Variants in RNF121 observed in about 807,000 individuals in gnomAD.
The protein encoded by RNF121 is E3 ubiquitin ligase RNF121.
Under a neutral mutation model 46.5 loss-of-function variants are expected in RNF121, and 21 were observed. The ratio of observed to expected loss-of-function variants is 0.45; its 90% confidence interval spans 0.32 to 0.65. The LOEUF is 0.65. RNF121 is among the 30% of genes least tolerant of loss of function. The pLI, the probability that RNF121 is intolerant of heterozygous loss-of-function variation, is 0.04. For synonymous variants in RNF121, 139 were observed against 144.7 expected (o/e 0.96, Z 0.28); for missense variants, 346 against 416.0 (o/e 0.83, Z 1.46).
At chr11:71,994,085 C>T (rs1450677543) in intron 6 of RNF121, among the ~76,000 whole-genome samples, 1 of 152,058 alleles carries the variant, frequency 6.6e-6, no homozygotes, top group Non-Finnish European at 1.5e-5. Context: ...CGTGATCCGC[C>T]CTCCTTGGCC....
rs1954689327 is a variant in RNF121 at position 71,982,688 on chromosome 11, G to C, written c.244-73G>C. On this transcript the variant is annotated intron_variant, in intron 3 of 8. Coordinates refer to ENST00000361756, the MANE Select transcript of RNF121 (RefSeq NM_018320.5). ...AGGATCAAGCTAAAATAGAAAACAAGCTGCATTTGGGACTGTGGACAGAGC... is the reference window on the plus strand; with the variant it reads ...AGGATCAAGCTAAAATAGAAAACAACCTGCATTTGGGACTGTGGACAGAGC... 6.2e-6 allele frequency: 9 copies of C among 1,456,432 alleles called. No homozygotes were observed. The East Asian group carries it at 2.2e-4, about 36-fold the overall frequency. 90.2% of individuals were successfully genotyped at this position (1,456,432 alleles called of 1,614,324 possible). A position where few individuals can be genotyped will look rare whatever the true frequency, so the allele number is the denominator to read the frequency against.
chr11:71,942,678 C>T (rs572384107), intron 1 of RNF121, among the ~76,000 whole-genome samples: 27 of 151,494 alleles, frequency 1.8e-4, no homozygotes, highest in Non-Finnish European at 3.2e-4. Flanking sequence ...GCAGGAGAAT[C>T]GCTTGAACCT....
chr11:71,935,321 A>G (rs1953380521), intron 1 of RNF121, among the ~76,000 whole-genome samples: 1 of 152,260 alleles, frequency 6.6e-6, no homozygotes, highest in Non-Finnish European at 1.5e-5. Context: ...AAGCTGAGGC[A>G]TAGAGAATTT....
At chr11:71,933,770 C>A (rs1953332479) in intron 1 of RNF121, among the ~76,000 whole-genome samples, 1 of 152,200 alleles carries the variant, frequency 6.6e-6, no homozygotes. Flanking sequence ...CCATTGTATT[C>A]TCTTCACTCT....
intron 1 of RNF121, among the ~76,000 whole-genome samples, chr11:71,947,813 C>T (rs961528971): frequency 5.3e-5 from 8 of 152,156 alleles, no homozygotes; most frequent in South Asian, 4.1e-4. Context: ...TGAATCTGTG[C>T]TGGCAAAGTT....
At chr11:71,941,047 CTG>C (rs1328380017) in intron 1 of RNF121, among the ~76,000 whole-genome samples, 2 of 152,208 alleles carry the variant, frequency 1.3e-5, no homozygotes, top group Non-Finnish European at 2.9e-5. Flanking sequence ...CAGTGAGTGA[CTG>C]TGCTAAAAAG....
chr11:71,962,859 T>A (rs956428303), intron 3 of RNF121, among the ~76,000 whole-genome samples: 4 of 152,210 alleles, frequency 2.6e-5, no homozygotes, highest in African/African-American at 9.7e-5. Context: ...TATCAAGACT[T>A]CTTACTTCTT....
chr11:71,946,230 T>C (rs928141659), intron 1 of RNF121, among the ~76,000 whole-genome samples: 1 of 152,160 alleles, frequency 6.6e-6, no homozygotes, highest in African/African-American at 2.4e-5. Context: ...TATCCTCTGA[T>C]GAAAGGATAA....
chr11:71,956,461 C>T lies in RNF121; in HGVS notation c.64-766C>T, dbSNP rs148915766. ...ACCTTCCTCAACAGGGAATGAACCA[C>T]CCTAAAATATCAGTAGTGCCAAGGT... On this transcript the variant is annotated intron_variant, in intron 1 of 8. Transcript: ENST00000361756. 3.1e-3 allele frequency among the ~76,000 whole-genome samples: 468 copies of T among 152,258 alleles called. 3 individuals carry two copies. Among genetic ancestry groups the T allele is most frequent in the African/African-American group, 0.01 (423 of 41,532 alleles).
At chr11:71,940,473 G>A (rs189586565) in intron 1 of RNF121, among the ~76,000 whole-genome samples, 5 of 152,138 alleles carry the variant, frequency 3.3e-5, no homozygotes, top group African/African-American at 9.7e-5. Flanking sequence ...AGGAATGAAC[G>A]CCCAAGGTCA....
chr11:71,962,915 G>A (rs191065053), intron 3 of RNF121, among the ~76,000 whole-genome samples: 139 of 152,218 alleles, frequency 9.1e-4, no homozygotes, highest in African/African-American at 3.3e-3. Flanking sequence ...CTACTTTAGT[G>A]GATGTAGATG....
chr11:71,935,561 G>T (rs1160318952), intron 1 of RNF121, among the ~76,000 whole-genome samples: 1 of 152,136 alleles, frequency 6.6e-6, no homozygotes, highest in Non-Finnish European at 1.5e-5. Flanking sequence ...TGTTCTCCTC[G>T]AAAGGAAGGC....
At chr11:71,970,215 AG>A (rs1333241184) in intron 3 of RNF121, among the ~76,000 whole-genome samples, 1 of 152,188 alleles carries the variant, frequency 6.6e-6, no homozygotes, top group East Asian at 1.9e-4. Flanking sequence ...GCTAGGGAGT[AG>A]GGGGAATTAG....
chr11:71,965,274 A>T (rs1290703352), intron 3 of RNF121, among the ~76,000 whole-genome samples: 1 of 141,882 alleles, frequency 7.0e-6, no homozygotes, highest in Non-Finnish European at 1.5e-5. Context: ...TTTTTTTTTA[A>T]GACAGGGTCT....
At chr11:71,932,157 A>G (rs970834410) in intron 1 of RNF121, among the ~76,000 whole-genome samples, 8 of 152,222 alleles carry the variant, frequency 5.3e-5, no homozygotes, top group African/African-American at 1.9e-4. Context: ...ATAAATAGAA[A>G]AGAGGGTTTA....
intron 3 of RNF121, chr11:71,978,340 C>T (rs1393973139): frequency 4.1e-6 from 1 of 246,174 alleles, no homozygotes; most frequent in Non-Finnish European, 8.4e-6. Flanking sequence ...GCTTTCTAGG[C>T]CCCAAGCAGA....
chr11:71,959,881 C>T (rs1034650128), intron 2 of RNF121, among the ~76,000 whole-genome samples: 11 of 152,274 alleles, frequency 7.2e-5, no homozygotes, highest in South Asian at 4.1e-4. Flanking sequence ...CGTGATCCTC[C>T]GGCCTCAGCC....
chr11:71,968,668 CTA>C (rs753926786), intron 3 of RNF121, among the ~76,000 whole-genome samples: 1 of 152,126 alleles, frequency 6.6e-6, no homozygotes, highest in Non-Finnish European at 1.5e-5. Flanking sequence ...TGAGTACTGT[CTA>C]TTTATTTGTT....
intron 1 of RNF121, 23 bp downstream of exon 1, chr11:71,929,147 G>A (rs776508403): frequency 1.3e-6 from 2 of 1,549,140 alleles, no homozygotes; most frequent in Admixed American, 2.0e-5. Flanking sequence ...GAGAGACGAG[G>A]AGAGACTCAA....
Sources: gnomAD v4.1 joint callset for allele counts (sites outside exome capture counted in the v4.1 genomes callset) on GRCh38, gnomAD v4.1.1 for gene constraint, MANE v1.5 for transcripts, NCBI Gene and HGNC (gene_info 2026-07-23, HGNC 2026-07-21) for gene names.